CELF2: variants seen among roughly 807,000 people sequenced by gnomAD.
CELF2 encodes CUG triplet repeat RNA-binding protein 2.
A neutral mutation model predicts 62.6 loss-of-function variants in CELF2; 8 were observed. The observed-to-expected ratio is 0.13, with a 90% confidence interval of 0.07 to 0.23. The LOEUF (loss-of-function observed/expected upper bound fraction) is 0.23. CELF2 is among the 10% of genes least tolerant of loss of function. CELF2 has a pLI of 1.00. For missense variants in CELF2, 333 were observed against 671.0 expected (o/e 0.50, Z 5.56); for synonymous variants, 258 against 250.0 (o/e 1.03, Z -0.30).
intron 1 of CELF2, among the ~76,000 whole-genome samples, chr10:11,121,591 C>T (rs1259663865): frequency 1.3e-5 from 2 of 152,088 alleles, no homozygotes; most frequent in Non-Finnish European, 2.9e-5. Context: ...TCAGGTGCTC[C>T]TGGTCAAATA....
Position 11,220,833 on chromosome 10 carries a change from A to G in CELF2, c.354+3326A>G, listed in dbSNP as rs2064651733. Among the ~76,000 whole-genome samples, 1 of 152,210 alleles carries G rather than the reference A, an allele frequency of 6.6e-6. No homozygotes were observed. Among genetic ancestry groups the G allele is most frequent in the South Asian group, 2.1e-4 (1 of 4,832 alleles). ...AGGTACAGTGCCTCATTAGTTACTG[A>G]CATTTCATGAGATTAATCCCAAATG... On this transcript the variant is annotated intron_variant, in intron 3 of 12. Transcript: ENST00000633077. This position sits in a 1 kb window ranked among gnomAD's most constrained non-coding sequence, Gnocchi z 4.4.
At chr10:10,672,651 CTATT>C in the CELF2 span, among the ~76,000 whole-genome samples, 1 of 152,058 alleles carries the variant, frequency 6.6e-6, no homozygotes, top group African/African-American at 2.4e-5. Context: ...GTCTATTGAT[CTATT>C]TATTTATTAT....
rs539003189 is a variant in CELF2, at chr10:11,185,393, C to T, written c.271+19711C>T. ...CCTTGAATTGCTGGGATAAGTCTTA[C>T]TTGGTCATGATGATCCCCCCGCTGC... On this transcript the variant is annotated intron_variant, in intron 2 of 12. Transcript: ENST00000633077. Among the ~76,000 whole-genome samples, 14 of 152,226 alleles carry T rather than the reference C, an allele frequency of 9.2e-5. No homozygotes were observed. In the South Asian group the frequency reaches 2.9e-3, roughly 32 times the overall value.
chr10:11,274,646 G>T (rs1240656293), intron 7 of CELF2, among the ~76,000 whole-genome samples: 1 of 152,146 alleles, frequency 6.6e-6, no homozygotes, highest in African/African-American at 2.4e-5. Flanking sequence ...GTGAACCAAT[G>T]TGCTTCTGAT....
At chr10:10,623,806 G>T in the CELF2 span, among the ~76,000 whole-genome samples, 2 of 152,018 alleles carry the variant, frequency 1.3e-5, no homozygotes, top group South Asian at 2.1e-4. Context: ...AATCCTTACC[G>T]CAAATCTTCG....
At position 11,220,206 on chromosome 10, in the gene CELF2, G is replaced by A. The variant is rs74658367; in HGVS notation, c.354+2699G>A. On this transcript the variant is annotated intron_variant, in intron 3 of 12. Coordinates refer to ENST00000633077, the MANE Select transcript of CELF2 (RefSeq NM_001326342.2). The surrounding 1 kb of genome is among the most constrained non-coding windows in gnomAD (Gnocchi z 4.4). ...TTTTTCTAAAGTGTCCAAAACTTTC[G>A]ATTTAAAACAAGATCAAATAATGCT... 0.059 allele frequency among the ~76,000 whole-genome samples: 8,904 copies of A among 152,152 alleles called. 362 individuals carry two copies. The highest frequency in any genetic ancestry group is 0.11 in the African/African-American group (4,738 of 41,492).
At chr10:11,166,409 A>C (rs941493649) in intron 2 of CELF2, among the ~76,000 whole-genome samples, 1 of 152,098 alleles carries the variant, frequency 6.6e-6, no homozygotes, top group Admixed American at 6.5e-5. Context: ...CATTAATGAG[A>C]TAGAGACCCA....
intron 1 of CELF2, among the ~76,000 whole-genome samples, chr10:11,062,709 ATGT>A (rs1408539233): frequency 6.6e-6 from 1 of 152,204 alleles, no homozygotes; most frequent in Non-Finnish European, 1.5e-5. Context: ...CCTGGTGAAG[ATGT>A]TGTGTACATT....
the CELF2 span, among the ~76,000 whole-genome samples, chr10:10,727,045 G>A: frequency 2.6e-5 from 4 of 152,140 alleles, no homozygotes; most frequent in African/African-American, 4.8e-5. Context: ...TGAGAACTCC[G>A]TCACTAGGAC....
chr10:10,658,844 G>A, the CELF2 span, among the ~76,000 whole-genome samples: 24 of 152,088 alleles, frequency 1.6e-4, 1 homozygote, highest in South Asian at 1.0e-3. Flanking sequence ...TTTTTAGACC[G>A]TGGACATCTT....
chr10:11,020,004 G>A (rs1485718059), intron 1 of CELF2, among the ~76,000 whole-genome samples: 2 of 152,190 alleles, frequency 1.3e-5, no homozygotes, highest in Non-Finnish European at 2.9e-5. Flanking sequence ...AATTTAAAGT[G>A]TTAATGGCCT....
intron 3 of CELF2, among the ~76,000 whole-genome samples, chr10:11,239,339 GGGT>G (rs1397053748): frequency 6.6e-6 from 1 of 152,064 alleles, no homozygotes; most frequent in Non-Finnish European, 1.5e-5. Flanking sequence ...ATATAATCCT[GGGT>G]TCTGCAGTTT....
intron 1 of CELF2, among the ~76,000 whole-genome samples, chr10:11,053,932 C>G (rs2064551335): frequency 6.6e-6 from 1 of 152,012 alleles, no homozygotes; most frequent in South Asian, 2.1e-4. Context: ...CTTGAATGTA[C>G]TTTTGTCAGT....
At chr10:11,120,425 CTA>C (rs2057499775) in intron 1 of CELF2, among the ~76,000 whole-genome samples, 1 of 152,128 alleles carries the variant, frequency 6.6e-6, no homozygotes, top group Non-Finnish European at 1.5e-5. Flanking sequence ...TCACCTGTTT[CTA>C]TGATTGTTGA....
rs1192246260 is a variant in CELF2 at position 11,207,116 on chromosome 10, A to G, written c.272-10309A>G. ...CAATTTTGCCCTTGTTACCTTTTCT[A>G]TCTGTGTCGTGCTTTGGTGGAATTT... On this transcript the variant is annotated intron_variant, in intron 2 of 12. Transcript: ENST00000633077. The surrounding 1 kb of genome is among the most constrained non-coding windows in gnomAD (Gnocchi z 4.1). Among the ~76,000 whole-genome samples the G allele has an allele frequency of 6.6e-6, 1 of 152,246 alleles. No homozygotes were observed. The highest frequency in any genetic ancestry group is 1.5e-5 in the Non-Finnish European group (1 of 68,032).
At chr10:10,829,883 C>A (rs986901332) in intron 1 of CELF2, among the ~76,000 whole-genome samples, 2 of 152,158 alleles carry the variant, frequency 1.3e-5, no homozygotes, top group Non-Finnish European at 2.9e-5. Context: ...ATGTTTCAGG[C>A]AGTTTGCAAA....
chr10:11,329,310 G>T lies in CELF2; in HGVS notation c.*257G>T, dbSNP rs561410336. The T allele has an allele frequency of 1.0e-5, 3 of 289,798 alleles. No individual in the cohort carries two copies. The highest frequency in any genetic ancestry group is 2.2e-5 in the African/African-American group (1 of 45,662). 18.0% of individuals were successfully genotyped at this position (289,798 alleles called of 1,614,324 possible). On this transcript the variant is annotated 3_prime_UTR_variant, in exon 13 of 13. Coordinates refer to ENST00000633077, the MANE Select transcript of CELF2 (RefSeq NM_001326342.2). This position sits in a 1 kb window ranked among gnomAD's most constrained non-coding sequence, Gnocchi z 5.5. ...GCCACTGTATTCTCCTTTGTTTTGC[G>T]ATTTGAATCTCCTTTTACCTTTTTT...
intron 1 of CELF2, among the ~76,000 whole-genome samples, chr10:10,919,510 G>A (rs2064679961): frequency 1.3e-5 from 2 of 152,174 alleles, no homozygotes; most frequent in Admixed American, 6.5e-5. Flanking sequence ...TGTGCTGTTT[G>A]TGTTCCTTCA....
chr10:10,975,551 T>A (rs923882985), intron 2 of CELF2, among the ~76,000 whole-genome samples: 1 of 152,236 alleles, frequency 6.6e-6, no homozygotes, highest in African/African-American at 2.4e-5. Context: ...TCTTCCTTAC[T>A]TCTACAACTG....
Sources: gnomAD v4.1 joint callset for allele counts (sites outside exome capture counted in the v4.1 genomes callset) on GRCh38, gnomAD v4.1.1 for gene constraint, Gnocchi (gnomAD v3.1) non-coding constraint, MANE v1.5 for transcripts, NCBI Gene and HGNC (gene_info 2026-07-23, HGNC 2026-07-21) for gene names.